Variants in EFCAB5 observed in about 807,000 individuals in gnomAD.
EFCAB5 encodes EF-hand calcium-binding domain-containing protein 5.
EFCAB5 carries 131 observed loss-of-function variants against 167.9 expected under a neutral mutation model. That is an observed-to-expected ratio of 0.78 (90% CI 0.68 to 0.90). EFCAB5 has a LOEUF of 0.90. Among genes scored for constraint, EFCAB5 ranks in the 40% least tolerant of loss-of-function variants. The probability of loss-of-function intolerance (pLI) is 0.00; values close to 1 mark genes in which losing one functional copy is unlikely to be tolerated. For synonymous variants in EFCAB5, 574 were observed against 602.8 expected (o/e 0.95, Z 0.70); for missense variants, 1,663 against 1,745.2 (o/e 0.95, Z 0.84).
intron 7 of EFCAB5, among the ~76,000 whole-genome samples, chr17:30,017,928 T>A (rs926027152): frequency 3.3e-5 from 5 of 152,210 alleles, no homozygotes; most frequent in African/African-American, 9.6e-5. Flanking sequence ...CCTTTTACAA[T>A]GTGTTTTGCT....
Position 30,059,267 on chromosome 17 carries a change from A to T in EFCAB5, c.2581-278A>T, listed in dbSNP as rs184187669. On this transcript the variant is annotated intron_variant, in intron 13 of 22. Coordinates refer to ENST00000394835, the MANE Select transcript of EFCAB5 (RefSeq NM_198529.4). ...TGCATTTTCTTTTCTAAAAATTTTT[A>T]AAAAAAATTTTTTTTAAGACTGAGG... The T allele has an allele frequency of 1.3e-3, 267 of 208,516 alleles. 2 individuals are homozygous for T. The highest frequency in any genetic ancestry group is 9.2e-3 in the East Asian group (90 of 9,778). 12.9% of individuals were successfully genotyped at this position (208,516 alleles called of 1,614,324 possible). A position where few individuals can be genotyped will look rare whatever the true frequency, so the allele number is the denominator to read the frequency against.
chr17:29,992,925 ATTT>A (rs1408974745), intron 4 of EFCAB5, among the ~76,000 whole-genome samples: 5 of 152,228 alleles, frequency 3.3e-5, no homozygotes, highest in Non-Finnish European at 4.4e-5. Context: ...TAAGTCTAGT[ATTT>A]AGTTGGGTAA....
At chr17:29,970,083 A>G (rs1196642727) in intron 4 of EFCAB5, among the ~76,000 whole-genome samples, 1 of 152,192 alleles carries the variant, frequency 6.6e-6, no homozygotes, top group Non-Finnish European at 1.5e-5. Flanking sequence ...TTTAATTTTC[A>G]TTTTAAATAC....
intron 7 of EFCAB5, among the ~76,000 whole-genome samples, chr17:30,004,787 A>ATTTTTTTTT (rs60231360): frequency 1.4e-3 from 158 of 115,058 alleles, no homozygotes; most frequent in Non-Finnish European, 1.8e-3. Context: ...CTCCTGGCTA[A>ATTTTTTTTT]TTTTTTTTTT....
intron 17 of EFCAB5, among the ~76,000 whole-genome samples, chr17:30,082,449 G>A (rs2071007081): frequency 7.9e-6 from 1 of 126,332 alleles, no homozygotes; most frequent in Non-Finnish European, 1.6e-5. Context: ...GGAGTGCAGT[G>A]TTGCGATCTC....
At chr17:30,016,917 C>G (rs1009560732) in intron 7 of EFCAB5, among the ~76,000 whole-genome samples, 1 of 152,078 alleles carries the variant, frequency 6.6e-6, no homozygotes, top group East Asian at 1.9e-4. Flanking sequence ...TGGCTCATAC[C>G]TATAATCCCA....
Position 29,999,932 on chromosome 17 carries a change from A to G in EFCAB5, c.1000A>G (p.Thr334Ala). 1 of 1,586,778 alleles carries G rather than the reference A, an allele frequency of 6.3e-7. No homozygotes were observed. The highest frequency in any genetic ancestry group is 8.6e-7 in the Non-Finnish European group (1 of 1,165,012). ...ATCACACTGCAAACAACTGGATATT[A>G]CTGACTCAACAGAACCAAGATTGAA... ...LGSHCKQLDI[T>A]DSTEPRLNKM... The change falls in exon 7 of 23, where the codon ACT becomes GCT. Residue 334 changes from threonine (T) to alanine (A), a missense_variant. Physicochemically the swap from Thr to Ala is moderately conservative, Grantham distance 58. Coordinates refer to ENST00000394835, the MANE Select transcript of EFCAB5 (RefSeq NM_198529.4).
At chr17:29,990,077 G>T (rs980454145) in intron 4 of EFCAB5, among the ~76,000 whole-genome samples, 3 of 152,062 alleles carry the variant, frequency 2.0e-5, no homozygotes, top group African/African-American at 7.2e-5. Context: ...CAATTTATAG[G>T]TACAGAAGTT....
intron 7 of EFCAB5, among the ~76,000 whole-genome samples, chr17:30,021,416 TTA>T (rs1444509572): frequency 6.8e-6 from 1 of 147,114 alleles, no homozygotes; most frequent in Admixed American, 6.8e-5. Flanking sequence ...TTGTGTGTTG[TTA>T]TATATAATAT....
chr17:30,027,206 C>T (rs1281849856), intron 7 of EFCAB5, among the ~76,000 whole-genome samples: 1 of 149,640 alleles, frequency 6.7e-6, no homozygotes, highest in African/African-American at 2.5e-5. Context: ...AGGATGGTCT[C>T]AATCTCCTGA....
At chr17:30,007,593 ATTC>A (rs2151671475) in intron 7 of EFCAB5, among the ~76,000 whole-genome samples, 1 of 152,288 alleles carries the variant, frequency 6.6e-6, no homozygotes, top group East Asian at 1.9e-4. Flanking sequence ...AACTTTTCCT[ATTC>A]TTCTGTGTGG....
At chr17:30,012,206 G>A (rs536051394) in intron 7 of EFCAB5, among the ~76,000 whole-genome samples, 5 of 152,200 alleles carry the variant, frequency 3.3e-5, no homozygotes, top group South Asian at 2.1e-4. Flanking sequence ...TTAGCAGATC[G>A]GGAAAGGGAG....
chr17:29,965,926 T>C (rs1478463138), intron 3 of EFCAB5, among the ~76,000 whole-genome samples: 1 of 152,212 alleles, frequency 6.6e-6, no homozygotes, highest in African/African-American at 2.4e-5. Context: ...TATAAAATTA[T>C]ATTTTCATTG....
chr17:30,066,781 C>G (rs56068304), intron 14 of EFCAB5, among the ~76,000 whole-genome samples: 53,819 of 151,082 alleles, frequency 0.36, 11,424 homozygotes, highest in East Asian at 0.49. Flanking sequence ...CTAGACTAAC[C>G]AAGAAAAAAA....
rs200755717 is a variant in EFCAB5 at position 30,053,514 on chromosome 17, A to T, written c.1560A>T (p.Arg520Ser). 7.4e-6 allele frequency: 12 copies of T among 1,613,874 alleles called. No individual in the cohort carries two copies. Among genetic ancestry groups the T allele is most frequent in the Non-Finnish European group, 1.0e-5 (12 of 1,179,888 alleles). Residue 520 changes from arginine (R) to serine (S), a missense_variant, in exon 10 of 23, where the codon AGA (arginine) becomes AGT (serine). By Grantham distance (110) the Arg-to-Ser change is moderately radical. Transcript: ENST00000394835. ...RGVTAEQGPQ[R>S]ISIEEQQQGK... ...TAACTGCAGAACAAGGACCACAAAG[A>T]ATTTCAATTGAAGAACAACAACAAG...
In EFCAB5 at chr17:29,969,356, T is replaced by A. The variant is rs1226041297; in HGVS notation, c.756T>A (p.Thr252=). 1.9e-6 allele frequency: 3 copies of A among 1,587,634 alleles called. No homozygotes were observed. The African/African-American group carries it at 4.1e-5, about 22-fold the overall frequency. Residue 252 remains threonine, a synonymous_variant, in exon 4 of 23, where the codon ACT becomes ACA. Coordinates refer to ENST00000394835, the MANE Select transcript of EFCAB5 (RefSeq NM_198529.4). ...TEDLKIYVPD[T]ICNRVSKMKE... ...ACCTGAAGATATATGTTCCTGACAC[T>A]ATCTGCAACAGGTACAATCTGTTAT...
intron 1 of EFCAB5, chr17:29,930,128 C>T: frequency 1.1e-6 from 1 of 869,636 alleles, no homozygotes; most frequent in Non-Finnish European, 1.8e-6. Context: ...GAGGAGGAGG[C>T]CGCGGGAACG....
At chr17:30,020,610 C>T (rs2069155638) in intron 7 of EFCAB5, among the ~76,000 whole-genome samples, 1 of 152,122 alleles carries the variant, frequency 6.6e-6, no homozygotes, top group African/African-American at 2.4e-5. Context: ...CCGCCTCGGC[C>T]TCCCTAAGTG....
chr17:30,016,262 G>A lies in EFCAB5; in HGVS notation c.1044+16286G>A, dbSNP rs529456734. On this transcript the variant is annotated intron_variant, in intron 7 of 22. Coordinates refer to ENST00000394835, the MANE Select transcript of EFCAB5 (RefSeq NM_198529.4). ...TTTAAATTTTTATGAAGCCCAATTT[G>A]TCTATTTTTTTTCTTTTGTTGATTT... Among the ~76,000 whole-genome samples, 14 of 152,034 alleles carry A rather than the reference G, an allele frequency of 9.2e-5. 1 individual carries two copies. Among genetic ancestry groups the A allele is most frequent in the Admixed American group, 4.6e-4 (7 of 15,294 alleles).
Sources: gnomAD v4.1 joint callset for allele counts (sites outside exome capture counted in the v4.1 genomes callset) on GRCh38, gnomAD v4.1.1 for gene constraint, MANE v1.5 for transcripts, NCBI Gene and HGNC (gene_info 2026-07-23, HGNC 2026-07-21) for gene names.